RAG1: variants seen among roughly 807,000 people sequenced by gnomAD.
RAG1 encodes V(D)J recombination-activating protein 1.
In RAG1, 35 loss-of-function variants were observed where a neutral mutation model predicts 62.7. The ratio of observed to expected loss-of-function variants is 0.56; its 90% CI spans 0.43 to 0.74. The LOEUF is 0.74. RAG1 is among the 30% of genes least tolerant of loss of function. The probability of loss-of-function intolerance (pLI) is 0.00; values close to 1 mark genes in which losing one functional copy is unlikely to be tolerated. For synonymous variants in RAG1, 461 were observed against 470.3 expected, an observed-to-expected ratio of 0.98 and a Z score of 0.26; for missense variants, 1,169 against 1,278.6, an observed-to-expected ratio of 0.91 and a Z score of 1.31.
At chr11:36,530,470 A>T (rs1860235793) in intron 2 of RAG1, among the ~76,000 whole-genome samples, 1 of 151,936 alleles carries the variant, frequency 6.6e-6, no homozygotes, top group Non-Finnish European at 1.5e-5. Flanking sequence ...TTAGAGCTAC[A>T]GATTTCCCTC....
intron 1 of RAG1, among the ~76,000 whole-genome samples, chr11:36,569,974 C>T (rs1456073634): frequency 6.6e-6 from 1 of 152,148 alleles, no homozygotes; most frequent in Non-Finnish European, 1.5e-5. Context: ...ACATATGCAT[C>T]AGTGCATACA....
intron 2 of RAG1, among the ~76,000 whole-genome samples, chr11:36,523,753 A>T (rs1860116429): frequency 6.6e-6 from 1 of 152,226 alleles, no homozygotes; most frequent in African/African-American, 2.4e-5. Flanking sequence ...AAAAAATTAC[A>T]CTTTCAATTT....
chr11:36,537,511 T>G (rs1201721789), downstream of RAG1, among the ~76,000 whole-genome samples: 4 of 152,186 alleles, frequency 2.6e-5, no homozygotes, highest in African/African-American at 9.7e-5. Context: ...AAATAAAATA[T>G]CAAATAGCAT....
chr11:36,525,602 T>G (rs1167212459), intron 2 of RAG1, among the ~76,000 whole-genome samples: 1 of 152,200 alleles, frequency 6.6e-6, no homozygotes, highest in Non-Finnish European at 1.5e-5. Flanking sequence ...ATGCAAATCC[T>G]TTACATGTTT....
At position 36,574,507 on chromosome 11, in the gene RAG1, G is replaced by A. The variant is rs753446485; in HGVS notation, c.1203G>A (p.Ser401=). Reference sequence around the variant, plus strand: ...GCCGGCCCCGCCAACATCTTCTGTCGCTGACTCGGAGAGCTCAGAAGCACC... The same window carrying A: ...GCCGGCCCCGCCAACATCTTCTGTCACTGACTCGGAGAGCTCAGAAGCACC... ...KGGRPRQHLL[S]LTRRAQKHRL... Residue 401 remains serine (S), a synonymous_variant, in exon 2 of 2, where the codon TCG becomes TCA. Transcript: ENST00000299440. 3.7e-6 allele frequency: 6 copies of A among 1,614,096 alleles called. No homozygotes were observed. Among genetic ancestry groups the A allele is most frequent in the African/African-American group, 2.7e-5 (2 of 74,942 alleles).
At chr11:36,562,428 A>T (rs1850603312) in intron 3 of RAG1, among the ~76,000 whole-genome samples, 1 of 152,206 alleles carries the variant, frequency 6.6e-6, no homozygotes, top group African/African-American at 2.4e-5. Flanking sequence ...AAATGAGAAA[A>T]TGGAGTCAGA....
rs1850880186 is a variant in RAG1, at chr11:36,578,147, C to T, written c.*1711C>T. ...TTTATTGGCCATAATTGCTACTCTTCATACACAGTATATCAAAGAGCTTGA... is the reference window on the plus strand; with the variant it reads ...TTTATTGGCCATAATTGCTACTCTTTATACACAGTATATCAAAGAGCTTGA... On this transcript the variant is annotated 3_prime_UTR_variant, in exon 2 of 2. Coordinates refer to ENST00000299440, the MANE Select transcript of RAG1 (RefSeq NM_000448.3). The T allele has an allele frequency of 1.2e-5, 2 of 167,034 alleles. 1 individual carries two copies. Among genetic ancestry groups the T allele is most frequent in the South Asian group, 4.1e-4 (2 of 4,826 alleles). The allele number at this position is 167,034 out of a possible 1,614,324, so 10.3% of individuals were successfully genotyped here.
chr11:36,516,020 T>A (rs1241304623), intron 1 of RAG1, among the ~76,000 whole-genome samples: 1 of 152,156 alleles, frequency 6.6e-6, no homozygotes, highest in African/African-American at 2.4e-5. Flanking sequence ...ATGAGTCTAT[T>A]TTTTTCTTAA....
intron 3 of RAG1, among the ~76,000 whole-genome samples, chr11:36,547,109 G>C (rs756167717): frequency 2.6e-4 from 40 of 151,572 alleles, no homozygotes; most frequent in Admixed American, 4.6e-4. Flanking sequence ...GGCCTGTCAT[G>C]CTAGGTTGGA....
chr11:36,529,042 C>A (rs1002818575), intron 2 of RAG1, among the ~76,000 whole-genome samples: 3 of 152,260 alleles, frequency 2.0e-5, no homozygotes, highest in South Asian at 2.1e-4. Context: ...GACGGATTCA[C>A]AGCCAAATTC....
In RAG1 at chr11:36,515,737, G is replaced by T. The variant is rs182422129; in HGVS notation, n.331-4395G>T. 1.7e-3 allele frequency among the ~76,000 whole-genome samples: 258 copies of T among 152,282 alleles called. 1 individual carries two copies. Among genetic ancestry groups the T allele is most frequent in the Non-Finnish European group, 2.1e-3 (144 of 68,024 alleles). On this transcript the variant is annotated intron_variant and non_coding_transcript_variant, in intron 1 of 2. Transcript: ENST00000529126. ...CCCGGGGAGACTGTACACAGTAATG[G>T]CAGGCTTTGGAGATGCACCTTTGGT...
intron 3 of RAG1, among the ~76,000 whole-genome samples, chr11:36,548,099 A>G (rs1413923118): frequency 6.6e-6 from 1 of 152,206 alleles, no homozygotes; most frequent in Non-Finnish European, 1.5e-5. Context: ...AACTCTCAAT[A>G]AACTAGGTAT....
At position 36,575,326 on chromosome 11, in the gene RAG1, C is replaced by G; in HGVS notation, c.2022C>G (p.Ile674Met). Residue 674 changes from isoleucine (I) to methionine (M), a missense_variant, in exon 2 of 2, where the codon ATC becomes ATG. Ile to Met is a conservative substitution (Grantham distance 10, BLOSUM62 1). Transcript: ENST00000299440. This position sits in a 1 kb window ranked among gnomAD's most constrained non-coding sequence, Gnocchi z 4.1. ...CTGACCACGAGACGCTGACTGCCATCCTGAGTCCTCTCATTGCTGAGAGGG... is the reference window on the plus strand; with the variant it reads ...CTGACCACGAGACGCTGACTGCCATGCTGAGTCCTCTCATTGCTGAGAGGG... ...DESDHETLTA[I>M]LSPLIAEREA... The G allele has an allele frequency of 6.2e-7, 1 of 1,614,154 alleles. No individual in the cohort carries two copies. The highest frequency in any genetic ancestry group is 1.1e-5 in the South Asian group (1 of 91,070).
chr11:36,530,818 A>G (rs971659533), intron 2 of RAG1, among the ~76,000 whole-genome samples: 5 of 151,958 alleles, frequency 3.3e-5, no homozygotes, highest in African/African-American at 4.8e-5. Context: ...AATGTTGTTT[A>G]GCTCTTACTT....
intron 3 of RAG1, among the ~76,000 whole-genome samples, chr11:36,551,601 C>CTTT (rs199642455): frequency 0.065 from 8,601 of 132,958 alleles, 241 homozygotes; most frequent in Non-Finnish European, 0.075. Context: ...TTAATTACTT[C>CTTT]TTTTTTTTTT....
At chr11:36,510,603 A>C (rs1859903460), upstream of RAG1, 1 of 151,626 alleles carries the variant, frequency 6.6e-6, no homozygotes, top group African/African-American at 2.4e-5. Context: ...AAGCAGGAGA[A>C]AACCCCAGCT....
chr11:36,522,864 C>A (rs2133696770), intron 2 of RAG1, among the ~76,000 whole-genome samples: 1 of 152,258 alleles, frequency 6.6e-6, no homozygotes, highest in South Asian at 2.1e-4. Context: ...ATTTAACTGC[C>A]CTGCTGGATT....
chr11:36,537,134 G>A (rs1477445472), downstream of RAG1, among the ~76,000 whole-genome samples: 1 of 151,998 alleles, frequency 6.6e-6, no homozygotes, highest in Non-Finnish European at 1.5e-5. Context: ...CCTAACTTTA[G>A]TAGAAATAAA....
rs1162129015 is a variant in RAG1 at position 36,573,413 on chromosome 11, T to A, written c.109T>A (p.Ser37Thr). 6.2e-7 allele frequency: 1 copy of A among 1,614,098 alleles called. No homozygotes were observed. Among genetic ancestry groups the A allele is most frequent in the Admixed American group, 1.7e-5 (1 of 60,010 alleles). Residue 37 changes from serine (S) to threonine (T), a missense_variant, in exon 2 of 2, where the codon TCC becomes ACC. This residue lies in a region of RAG1 where 369 missense variants were observed against 335.3 expected (regional missense o/e 1.10). Transcript: ENST00000299440. ...GAAATTTAAGCTGTTCCGGGTGAGA[T>A]CCTTTGAAAAGACACCTGAAGAAGC... is the stretch of plus-strand genomic sequence containing the variant. ...EWKFKLFRVR[S>T]FEKTPEEAQK...
Sources: allele counts gnomAD v4.1 joint callset (sites outside exome capture counted in the v4.1 genomes callset), GRCh38; gene constraint gnomAD v4.1.1; regional missense constraint gnomAD v4.1.1; non-coding constraint Gnocchi (gnomAD v3.1); transcripts MANE v1.5; gene names NCBI Gene and HGNC (gene_info 2026-07-23, HGNC 2026-07-21).